Variants in RCOR1 observed in about 807,000 individuals in gnomAD.
RCOR1 encodes REST corepressor 1.
A neutral mutation model predicts 64.0 loss-of-function variants in RCOR1; 12 were observed. The ratio of observed to expected loss-of-function variants is 0.19; its 90% CI spans 0.12 to 0.30. RCOR1 has a LOEUF of 0.30. RCOR1 is among the 10% of genes least tolerant of loss of function. The probability of loss-of-function intolerance (pLI) is 1.00; values close to 1 mark genes in which losing one functional copy is unlikely to be tolerated. For missense variants in RCOR1, 502 were observed against 621.2 expected (o/e 0.81, Z 2.04); for synonymous variants, 279 against 227.2 (o/e 1.23, Z -2.05).
At chr14:102,680,355 T>C (rs534223473) in intron 2 of RCOR1, among the ~76,000 whole-genome samples, 17 of 152,334 alleles carry the variant, frequency 1.1e-4, no homozygotes, top group Non-Finnish European at 2.4e-4. Context: ...CCTTTATTTT[T>C]GTTTTACTTT....
chr14:102,717,386 G>A (rs1345921948), intron 8 of RCOR1, among the ~76,000 whole-genome samples: 1 of 152,244 alleles, frequency 6.6e-6, no homozygotes, highest in African/African-American at 2.4e-5. Context: ...GTTTAGGGAG[G>A]CAGCCCAGAC....
chr14:102,653,019 A>G (rs374470625), intron 2 of RCOR1, among the ~76,000 whole-genome samples: 4 of 151,584 alleles, frequency 2.6e-5, no homozygotes, highest in African/African-American at 4.8e-5. Context: ...TGCAACCTCT[A>G]TCTCCTGGGT....
intron 7 of RCOR1, 73 bp from the exon 8 acceptor site, chr14:102,714,350 G>A (rs927845664): frequency 1.3e-4 from 126 of 961,572 alleles, no homozygotes; most frequent in Admixed American, 1.7e-4. Flanking sequence ...GCCATGTTAA[G>A]GAAATAAATA....
rs199759549 is a variant in RCOR1 at position 102,676,031 on chromosome 14, G to GT, written c.362-5847dup. On this transcript the variant is annotated intron_variant, in intron 2 of 11. Transcript: ENST00000262241. ...ATTGAAAACATCTGAATATTTCACA[G>GT]TTTTTTTTTTTTTTTTTCCCCAAGG... Among the ~76,000 whole-genome samples the GT allele has an allele frequency of 9.7e-3, 1,383 of 142,680 alleles. 15 individuals are homozygous for GT. Among genetic ancestry groups the GT allele is most frequent in the African/African-American group, 0.025 (1,006 of 39,594 alleles). 93.6% of individuals were successfully genotyped at this position (142,680 alleles called of 152,430 possible).
chr14:102,637,107 TTTTGTTTG>T (rs1157886573), intron 2 of RCOR1, among the ~76,000 whole-genome samples: 1 of 151,750 alleles, frequency 6.6e-6, no homozygotes, highest in African/African-American at 2.4e-5. Context: ...TACAAGTTTT[TTTTGTTTG>T]TTTGTTTGTT....
At chr14:102,610,241 A>G (rs898841708) in intron 2 of RCOR1, among the ~76,000 whole-genome samples, 1 of 152,150 alleles carries the variant, frequency 6.6e-6, no homozygotes, top group Non-Finnish European at 1.5e-5. Context: ...CATGTTATAA[A>G]AATTATTTTG....
chr14:102,697,328 ACAAACT>A (rs1195456494), intron 3 of RCOR1, among the ~76,000 whole-genome samples: 1 of 152,236 alleles, frequency 6.6e-6, no homozygotes, highest in Non-Finnish European at 1.5e-5. Context: ...GCACTGCTAG[ACAAACT>A]CATTTTATTT....
chr14:102,681,941 G>A lies in RCOR1; in HGVS notation c.408G>A (p.Leu136=). 1 of 1,613,844 alleles carries A rather than the reference G, an allele frequency of 6.2e-7. No homozygotes were observed. ...RSQERDNLGM[L]VWSPNQNLSE... is the part of the protein sequence containing the mutation. ...AAGAACGGGACAATCTTGGCATGTT[G>A]GTCTGGTCACCCAATCAAAATCTGT... is the stretch of plus-strand genomic sequence containing the variant. Residue 136 remains leucine (L), a synonymous_variant, in exon 3 of 12, where the codon TTG becomes TTA. Coordinates refer to ENST00000262241, the MANE Select transcript of RCOR1 (RefSeq NM_015156.4).
At chr14:102,722,719 G>A (rs1595247235) in intron 11 of RCOR1, among the ~76,000 whole-genome samples, 1 of 152,322 alleles carries the variant, frequency 6.6e-6, no homozygotes, top group East Asian at 1.9e-4. Context: ...CAAAGACAGG[G>A]GAGTGGGGGC....
intron 3 of RCOR1, among the ~76,000 whole-genome samples, chr14:102,692,011 T>G (rs558807489): frequency 6.6e-6 from 1 of 152,214 alleles, no homozygotes; most frequent in African/African-American, 2.4e-5. Flanking sequence ...AATGCAGAAT[T>G]TATTTGCTCC....
At position 102,611,947 on chromosome 14, in the gene RCOR1, A is replaced by G. The variant is rs1321859675; in HGVS notation, c.361+18622A>G. Among the ~76,000 whole-genome samples the G allele has an allele frequency of 2.0e-5, 3 of 152,254 alleles. No individual in the cohort carries two copies. In the East Asian group the frequency reaches 5.8e-4, roughly 29 times the overall value. Reference sequence around the variant, plus strand: ...CCTGGGCTCAAGCCATGCACCCCATATAGCTGGGGCTATACCATGCCTGGT... The same window carrying G: ...CCTGGGCTCAAGCCATGCACCCCATGTAGCTGGGGCTATACCATGCCTGGT... On this transcript the variant is annotated intron_variant, in intron 2 of 11. Coordinates refer to ENST00000262241, the MANE Select transcript of RCOR1 (RefSeq NM_015156.4).
At chr14:102,701,940 T>C (rs1173250933) in intron 4 of RCOR1, among the ~76,000 whole-genome samples, 1 of 152,234 alleles carries the variant, frequency 6.6e-6, no homozygotes, top group Non-Finnish European at 1.5e-5. Context: ...GTGTTGGGAT[T>C]ACAGGCGTGA....
intron 2 of RCOR1, among the ~76,000 whole-genome samples, chr14:102,634,310 C>T (rs1025389957): frequency 6.6e-6 from 1 of 152,020 alleles, no homozygotes; most frequent in Non-Finnish European, 1.5e-5. Context: ...GATTTCAAGG[C>T]TTCAGTGAGC....
At chr14:102,701,446 G>C in intron 4 of RCOR1, 116 bp downstream of exon 4, 1 of 659,066 alleles carries the variant, frequency 1.5e-6, no homozygotes, top group Non-Finnish European at 2.5e-6. Context: ...CAACTTTTTG[G>C]TAATTACTAG....
chr14:102,720,036 T>C (rs1395982185), intron 8 of RCOR1, among the ~76,000 whole-genome samples: 1 of 152,178 alleles, frequency 6.6e-6, no homozygotes, highest in African/African-American at 2.4e-5. Flanking sequence ...GCCCCATGTG[T>C]GGTTGTTTAA....
chr14:102,629,530 C>T (rs577043603), intron 2 of RCOR1, among the ~76,000 whole-genome samples: 21 of 150,612 alleles, frequency 1.4e-4, no homozygotes, highest in East Asian at 5.8e-4. Context: ...AAAATACGGA[C>T]GGAATTTCGA....
chr14:102,607,836 C>T (rs1346931291), intron 2 of RCOR1, among the ~76,000 whole-genome samples: 2 of 152,128 alleles, frequency 1.3e-5, no homozygotes, highest in Admixed American at 6.6e-5. Context: ...GAGCTGAGAT[C>T]GTGCCACTGC....
intron 2 of RCOR1, among the ~76,000 whole-genome samples, chr14:102,594,508 C>T (rs890757547): frequency 1.5e-4 from 23 of 152,276 alleles, no homozygotes; most frequent in Middle Eastern, 3.4e-3. Context: ...TAGGTGAGCT[C>T]TTGGACACTC....
At chr14:102,628,049 C>G (rs894789702) in intron 2 of RCOR1, among the ~76,000 whole-genome samples, 2 of 151,898 alleles carry the variant, frequency 1.3e-5, no homozygotes, top group African/African-American at 4.8e-5. Context: ...TCTGGAATCC[C>G]GAGATAGCTG....
Sources: gnomAD v4.1 joint callset for allele counts (sites outside exome capture counted in the v4.1 genomes callset) on GRCh38, gnomAD v4.1.1 for gene constraint, MANE v1.5 for transcripts, NCBI Gene and HGNC (gene_info 2026-07-23, HGNC 2026-07-21) for gene names.